TMEM108: variants seen among roughly 807,000 people sequenced by gnomAD.
TMEM108 encodes the protein transmembrane protein 108.
TMEM108 carries 12 observed loss-of-function variants against 35.1 expected under a neutral mutation model. The observed-to-expected ratio is 0.34, with a 90% confidence interval of 0.22 to 0.55. The LOEUF (loss-of-function observed/expected upper bound fraction) is 0.55. TMEM108 is among the 20% of genes least tolerant of loss of function. TMEM108 has a pLI of 0.89. For missense variants in TMEM108, 680 were observed against 753.3 expected, an observed-to-expected ratio of 0.90 and a Z score of 1.14; for synonymous variants, 287 against 308.6, an observed-to-expected ratio of 0.93 and a Z score of 0.73.
chr3:133,280,890 G>T (rs1365828806), intron 3 of TMEM108, among the ~76,000 whole-genome samples: 1 of 152,146 alleles, frequency 6.6e-6, no homozygotes, highest in East Asian at 1.9e-4. Context: ...TTATTCACGT[G>T]GAGGCTGAAC....
In TMEM108 at chr3:133,390,377, G is replaced by A. The variant is rs377227430; in HGVS notation, c.1605+43G>A. The A allele has an allele frequency of 1.9e-5, 30 of 1,607,332 alleles. No homozygotes were observed. The African/African-American group carries it at 3.7e-4, about 20-fold the overall frequency. On this transcript the variant is annotated intron_variant, in intron 5 of 5. Coordinates refer to ENST00000321871, the MANE Select transcript of TMEM108 (RefSeq NM_023943.4). ...GCTGGCCCCACTGCAGGGAAACCAG[G>A]TCCAAAGAGAGCCATGGGGCATCTG... is the stretch of plus-strand genomic sequence containing the variant.
At chr3:133,287,817 A>T (rs1947006489) in intron 3 of TMEM108, among the ~76,000 whole-genome samples, 1 of 152,238 alleles carries the variant, frequency 6.6e-6, no homozygotes, top group African/African-American at 2.4e-5. Context: ...TATATAGATC[A>T]ATAATTTGTT....
intron 3 of TMEM108, among the ~76,000 whole-genome samples, chr3:133,277,262 C>T (rs572216411): frequency 6.6e-6 from 1 of 152,162 alleles, no homozygotes; most frequent in South Asian, 2.1e-4. Flanking sequence ...TAAGAGAATG[C>T]CTTTGTTCCT....
At chr3:133,323,255 T>C (rs955442569) in intron 3 of TMEM108, among the ~76,000 whole-genome samples, 4 of 152,024 alleles carry the variant, frequency 2.6e-5, no homozygotes, top group Middle Eastern at 6.8e-3. Context: ...ATATCATTCA[T>C]CCAAAAAGAT....
At chr3:133,265,841 G>GA (rs1946689609) in intron 3 of TMEM108, among the ~76,000 whole-genome samples, 1 of 152,040 alleles carries the variant, frequency 6.6e-6, no homozygotes, top group Admixed American at 6.6e-5. Flanking sequence ...TTATGCTTTT[G>GA]ACTTTTTCTT....
chr3:133,275,469 C>G (rs903874539), intron 3 of TMEM108, among the ~76,000 whole-genome samples: 23 of 152,098 alleles, frequency 1.5e-4, no homozygotes, highest in African/African-American at 5.3e-4. Flanking sequence ...CATTTAAGTT[C>G]AGACTAGACA....
At chr3:133,375,167 C>G (rs1345035719) in intron 3 of TMEM108, among the ~76,000 whole-genome samples, 1 of 152,208 alleles carries the variant, frequency 6.6e-6, no homozygotes, top group African/African-American at 2.4e-5. Context: ...TTCATCAATT[C>G]CCTTGTTGCC....
intron 3 of TMEM108, among the ~76,000 whole-genome samples, chr3:133,365,788 A>G (rs1348647309): frequency 6.6e-6 from 1 of 152,176 alleles, no homozygotes; most frequent in Non-Finnish European, 1.5e-5. Context: ...GGGCCAGACC[A>G]AAATGGAACA....
intron 2 of TMEM108, among the ~76,000 whole-genome samples, chr3:133,141,362 A>T (rs929601033): frequency 6.6e-6 from 1 of 152,202 alleles, no homozygotes; most frequent in Non-Finnish European, 1.5e-5. Flanking sequence ...ATTTAGGAAC[A>T]TAGACATAAA....
chr3:133,145,286 T>G (rs1356811588), intron 2 of TMEM108, among the ~76,000 whole-genome samples: 1 of 152,208 alleles, frequency 6.6e-6, no homozygotes, highest in Non-Finnish European at 1.5e-5. Context: ...ATGTGTGGTG[T>G]TATTTCTGAG....
At chr3:133,309,786 C>T (rs555206295) in intron 3 of TMEM108, among the ~76,000 whole-genome samples, 200 of 145,476 alleles carry the variant, frequency 1.4e-3, no homozygotes, top group Non-Finnish European at 2.1e-3. Flanking sequence ...CTGCAAGCTC[C>T]GCCTCCCGGG....
Position 133,371,613 on chromosome 3 carries a change from C to CAAAAAAAAA in TMEM108, c.41-8121_41-8113dup, listed in dbSNP as rs3054624. On this transcript the variant is annotated intron_variant, in intron 3 of 5. Coordinates refer to ENST00000321871, the MANE Select transcript of TMEM108 (RefSeq NM_023943.4). The stretch of plus-strand genomic sequence containing the variant: ...ATCACTGCAGCCAGTCACAAACCCA[C>CAAAAAAAAA]AAAAAAAAAAAAAAAAAAAAAAAAA... 4.2e-4 allele frequency among the ~76,000 whole-genome samples: 33 copies of CAAAAAAAAA among 78,094 alleles called. 1 individual carries two copies. The highest frequency in any genetic ancestry group is 1.8e-3 in the African/African-American group (31 of 16,944). The allele number at this position is 78,094 out of a possible 152,430, so 51.2% of individuals were successfully genotyped here. A position where few individuals can be genotyped will look rare whatever the true frequency, so the allele number is the denominator to read the frequency against.
At chr3:133,275,591 T>C (rs991515333) in intron 3 of TMEM108, among the ~76,000 whole-genome samples, 5 of 152,182 alleles carry the variant, frequency 3.3e-5, no homozygotes, top group Non-Finnish European at 4.4e-5. Context: ...AATCCGTTAC[T>C]TGCAACTCTT....
intron 3 of TMEM108, among the ~76,000 whole-genome samples, chr3:133,267,387 A>G (rs555937855): frequency 2.4e-4 from 36 of 152,294 alleles, no homozygotes; most frequent in African/African-American, 8.4e-4. Context: ...TTGCAAGAAA[A>G]CGTCAATTAA....
At chr3:133,330,041 A>G (rs898028354) in intron 3 of TMEM108, among the ~76,000 whole-genome samples, 2 of 152,224 alleles carry the variant, frequency 1.3e-5, no homozygotes, top group African/African-American at 4.8e-5. Flanking sequence ...AGAAAAAAAA[A>G]TCTGTGACAG....
chr3:133,366,879 T>C (rs1412906223), intron 3 of TMEM108, among the ~76,000 whole-genome samples: 2 of 152,200 alleles, frequency 1.3e-5, no homozygotes, highest in Non-Finnish European at 2.9e-5. Flanking sequence ...TTCAACAGGC[T>C]GAAAAAGAGA....
chr3:133,214,054 T>C (rs765234946), intron 2 of TMEM108, among the ~76,000 whole-genome samples: 9 of 152,176 alleles, frequency 5.9e-5, no homozygotes, highest in Non-Finnish European at 1.2e-4. Context: ...CTCTCTCAAA[T>C]TGAGCTCTGG....
At chr3:133,392,486 T>C (rs991271457) in intron 5 of TMEM108, among the ~76,000 whole-genome samples, 1 of 152,144 alleles carries the variant, frequency 6.6e-6, no homozygotes, top group Non-Finnish European at 1.5e-5. Flanking sequence ...TTCTACTTAG[T>C]CCCATGACTT....
At chr3:133,170,263 C>T (rs963891540) in intron 2 of TMEM108, among the ~76,000 whole-genome samples, 4 of 152,252 alleles carry the variant, frequency 2.6e-5, no homozygotes, top group South Asian at 2.1e-4. Flanking sequence ...ACATTGTCCA[C>T]GTATGCAAAC....
Sources: allele counts gnomAD v4.1 joint callset (sites outside exome capture counted in the v4.1 genomes callset), GRCh38; gene constraint gnomAD v4.1.1; transcripts MANE v1.5; gene names NCBI Gene and HGNC (gene_info 2026-07-23, HGNC 2026-07-21).